Variants in BCAR3 observed in about 807,000 individuals in gnomAD.
The protein encoded by BCAR3 is breast cancer anti-estrogen resistance protein 3.
A neutral mutation model predicts 80.1 loss-of-function variants in BCAR3; 37 were observed. The observed-to-expected ratio is 0.46, with a 90% CI of 0.36 to 0.61. The LOEUF is 0.61. BCAR3 is among the 20% of genes least tolerant of loss of function. The pLI is 0.00. For synonymous variants in BCAR3, 389 were observed against 418.9 expected (o/e 0.93, Z 0.87); for missense variants, 978 against 1,068.2 (o/e 0.92, Z 1.18).
At chr1:93,682,911 A>C (rs1174911011), upstream of BCAR3, among the ~76,000 whole-genome samples, 1 of 152,172 alleles carries the variant, frequency 6.6e-6, no homozygotes, top group Non-Finnish European at 1.5e-5. Flanking sequence ...GAAAATGTCC[A>C]AAAAAATCTT....
chr1:93,647,934 G>C (rs892015183), intron 2 of BCAR3, among the ~76,000 whole-genome samples: 1 of 151,976 alleles, frequency 6.6e-6, no homozygotes, highest in African/African-American at 2.4e-5. Context: ...CACCACACCT[G>C]GCTAATTTTT....
chr1:93,661,886 C>A (rs906790941), intron 2 of BCAR3, among the ~76,000 whole-genome samples: 8 of 152,368 alleles, frequency 5.3e-5, no homozygotes, highest in Admixed American at 2.6e-4. Flanking sequence ...GAGATTCAGT[C>A]TTCCACATCT....
At chr1:93,748,830 T>C (rs899176297) in intron 2 of BCAR3, among the ~76,000 whole-genome samples, 2 of 152,212 alleles carry the variant, frequency 1.3e-5, no homozygotes, top group Non-Finnish European at 2.9e-5. Flanking sequence ...ACTGTGTGTA[T>C]GTCTCAGCCC....
At chr1:93,595,682 T>A (rs1267015957) in intron 3 of BCAR3, among the ~76,000 whole-genome samples, 1 of 152,272 alleles carries the variant, frequency 6.6e-6, no homozygotes, top group African/African-American at 2.4e-5. Flanking sequence ...TTTGCCACTT[T>A]AGATAAGTAC....
chr1:93,644,522 C>A (rs1676092139), intron 2 of BCAR3, among the ~76,000 whole-genome samples: 1 of 152,184 alleles, frequency 6.6e-6, no homozygotes. Context: ...TGGCTCATGC[C>A]TCCCTAAAAT....
chr1:93,577,932 C>T (rs1418580640), intron 7 of BCAR3, among the ~76,000 whole-genome samples: 1 of 152,226 alleles, frequency 6.6e-6, no homozygotes, highest in Non-Finnish European at 1.5e-5. Flanking sequence ...CGCCTGCTTG[C>T]CTGAGGGCTG....
intron 3 of BCAR3, among the ~76,000 whole-genome samples, chr1:93,597,544 G>A (rs1006337031): frequency 1.3e-5 from 2 of 152,194 alleles, no homozygotes; most frequent in Non-Finnish European, 2.9e-5. Context: ...AGAGCCTCAG[G>A]CTCCTCATCT....
intron 2 of BCAR3, among the ~76,000 whole-genome samples, chr1:93,782,640 G>GT (rs1652802972): frequency 6.6e-6 from 1 of 152,192 alleles, no homozygotes; most frequent in Admixed American, 6.5e-5. Flanking sequence ...GGATAAGGAA[G>GT]GCCAGGCACC....
At chr1:93,777,756 C>T (rs1382135519) in intron 2 of BCAR3, among the ~76,000 whole-genome samples, 1 of 152,128 alleles carries the variant, frequency 6.6e-6, no homozygotes, top group African/African-American at 2.4e-5. Flanking sequence ...GGCTGGAATA[C>T]TCCTATAGAA....
rs557877224 is a variant in BCAR3, at chr1:93,714,450, C to T, written c.-62-8308G>A. On this transcript the variant is annotated intron_variant, in intron 2 of 13. Coordinates refer to the BCAR3 transcript ENST00000370244. The stretch of plus-strand genomic sequence containing the variant: ...CATAGTGGGAGTTTATTAAATATTC[C>T]CTGAAGGGACACAAAACCACAGAAA... Among the ~76,000 whole-genome samples the T allele has an allele frequency of 3.3e-5, 5 of 152,192 alleles. No homozygotes were observed. In the South Asian group the frequency reaches 6.2e-4, roughly 19 times the overall value.
intron 2 of BCAR3, among the ~76,000 whole-genome samples, chr1:93,799,318 A>AT (rs1005843665): frequency 2.6e-4 from 39 of 152,252 alleles, no homozygotes; most frequent in African/African-American, 8.7e-4. Flanking sequence ...CCCTTGTAAG[A>AT]TTTTCCTTTA....
intron 3 of BCAR3, among the ~76,000 whole-genome samples, chr1:93,705,875 A>G: frequency 6.6e-6 from 1 of 151,744 alleles, no homozygotes; most frequent in East Asian, 1.9e-4. Context: ...GGCTGAAGCC[A>G]AAGCCCGGTC....
At chr1:93,722,365 A>C (rs1422219910) in intron 2 of BCAR3, among the ~76,000 whole-genome samples, 5 of 152,232 alleles carry the variant, frequency 3.3e-5, no homozygotes, top group Non-Finnish European at 7.3e-5. Flanking sequence ...AATTCTTGGC[A>C]GTCAAACAAT....
chr1:93,587,965 T>G (rs115149393), intron 5 of BCAR3, among the ~76,000 whole-genome samples: 139 of 152,256 alleles, frequency 9.1e-4, no homozygotes, highest in African/African-American at 3.0e-3. Context: ...CAGTGAGGTT[T>G]TGAAGCCTTG....
chr1:93,592,463 C>T lies in BCAR3; in HGVS notation c.358-70G>A, dbSNP rs373448268. On this transcript the variant is annotated intron_variant, in intron 3 of 11. Coordinates refer to ENST00000260502, the MANE Select transcript of BCAR3 (RefSeq NM_003567.4). This position sits in a 1 kb window ranked among gnomAD's most constrained non-coding sequence, Gnocchi z 4.8. The stretch of plus-strand genomic sequence containing the variant: ...CCAGGCCATGCCAGCTGGAGGTGAC[C>T]GCCTGCTTCACTAATCCAACCAGTT... 8.0e-6 allele frequency: 12 copies of T among 1,505,624 alleles called. No homozygotes were observed. The Middle Eastern group carries it at 5.3e-4, about 67-fold the overall frequency. 93.3% of individuals were successfully genotyped at this position (1,505,624 alleles called of 1,614,324 possible).
chr1:93,738,070 G>A (rs4847254), intron 2 of BCAR3, among the ~76,000 whole-genome samples: 62,119 of 151,944 alleles, frequency 0.41, 13,955 homozygotes, highest in Non-Finnish European at 0.5. Context: ...CTGGCTTGAA[G>A]CGATCCTCCT....
intron 2 of BCAR3, among the ~76,000 whole-genome samples, chr1:93,835,407 G>A (rs6703684): frequency 0.6 from 91,665 of 152,000 alleles, 28,919 homozygotes; most frequent in East Asian, 0.78. Flanking sequence ...TGTCCCTCAC[G>A]GCCAGTTTTC....
Position 93,582,922 on chromosome 1 carries a change from C to T in BCAR3, c.1065G>A (p.Val355=). The T allele has an allele frequency of 6.2e-7, 1 of 1,601,460 alleles. No homozygotes were observed. The highest frequency in any genetic ancestry group is 8.5e-7 in the Non-Finnish European group (1 of 1,178,262). ...GTGAGTTTGGGCAGGGGCTTGTGTCCACACCCGAGGACTGAGGTGGCAGCT... is the reference window on the plus strand; with the variant it reads ...GTGAGTTTGGGCAGGGGCTTGTGTCTACACCCGAGGACTGAGGTGGCAGCT... ...GCKLPPQSSG[V]DTSPCPNSPV... Residue 355 remains valine (V), a synonymous_variant, in exon 7 of 12, where the codon GTG becomes GTA. Coordinates refer to ENST00000260502, the MANE Select transcript of BCAR3 (RefSeq NM_003567.4).
At chr1:93,704,210 T>TGAGCGG (rs1475819624) in intron 3 of BCAR3, among the ~76,000 whole-genome samples, 1 of 151,962 alleles carries the variant, frequency 6.6e-6, no homozygotes, top group African/African-American at 2.4e-5. Flanking sequence ...CTCACAGGCC[T>TGAGCGG]GAGTGGGAGT....
Sources: allele counts gnomAD v4.1 joint callset (sites outside exome capture counted in the v4.1 genomes callset), GRCh38; gene constraint gnomAD v4.1.1; non-coding constraint Gnocchi (gnomAD v3.1); transcripts MANE v1.5; gene names NCBI Gene and HGNC (gene_info 2026-07-23, HGNC 2026-07-21).